The following CAPN5 variants were observed in gnomAD, a reference collection of about 807,000 sequenced individuals.
CAPN5 encodes the protein calpain 5.
A neutral mutation model predicts 73.0 loss-of-function variants in CAPN5; 54 were observed. The ratio of observed to expected loss-of-function variants is 0.74; its 90% confidence interval spans 0.59 to 0.93. CAPN5 has a LOEUF of 0.93. Ranked by LOEUF, CAPN5 falls within the 40% of genes least tolerant of loss-of-function variation. The probability of loss-of-function intolerance (pLI) is 0.00; values close to 1 mark genes in which losing one functional copy is unlikely to be tolerated. For missense variants in CAPN5, 785 were observed against 882.9 expected (o/e 0.89, Z 1.41); for synonymous variants, 335 against 356.9 (o/e 0.94, Z 0.69).
chr11:77,067,469 C>T (rs568592106), intron 1 of CAPN5, among the ~76,000 whole-genome samples: 95 of 152,226 alleles, frequency 6.2e-4, no homozygotes, highest in African/African-American at 2.1e-3. Context: ...CCTGCTTAAC[C>T]CCCCTTTCAT....
At chr11:77,081,420 A>G (rs937105722) in intron 1 of CAPN5, among the ~76,000 whole-genome samples, 4 of 152,108 alleles carry the variant, frequency 2.6e-5, no homozygotes, top group Admixed American at 6.5e-5. Context: ...CACTAGACCA[A>G]CTCCGACAGG....
chr11:77,072,820 G>C (rs1188777683), intron 1 of CAPN5, among the ~76,000 whole-genome samples: 1 of 152,214 alleles, frequency 6.6e-6, no homozygotes, highest in Non-Finnish European at 1.5e-5. Flanking sequence ...GTGGAGAAAA[G>C]GGCTGTCCTG....
At chr11:77,093,574 C>G in intron 2 of CAPN5, 108 bp from the exon 3 acceptor site, 3 of 1,424,576 alleles carry the variant, frequency 2.1e-6, no homozygotes, top group Non-Finnish European at 2.8e-6. Flanking sequence ...TGCTGATGAT[C>G]ACACAGCAAG....
At chr11:77,084,113 G>T (rs896931751) in intron 1 of CAPN5, among the ~76,000 whole-genome samples, 5 of 152,204 alleles carry the variant, frequency 3.3e-5, no homozygotes, top group Non-Finnish European at 7.3e-5. Flanking sequence ...TGCAGGCCCT[G>T]CCAGCCGCTG....
At chr11:77,101,393 C>T (rs948892495) in intron 3 of CAPN5, among the ~76,000 whole-genome samples, 1 of 152,162 alleles carries the variant, frequency 6.6e-6, no homozygotes, top group Non-Finnish European at 1.5e-5. Flanking sequence ...CAAGTTGTTC[C>T]CCTCTCCCCT....
At chr11:77,083,707 T>C (rs1950051340) in intron 1 of CAPN5, among the ~76,000 whole-genome samples, 1 of 152,158 alleles carries the variant, frequency 6.6e-6, no homozygotes, top group Non-Finnish European at 1.5e-5. Flanking sequence ...CAGCCTTCAG[T>C]TAATGGGTTG....
rs782497150 is a variant in CAPN5, at chr11:77,122,551, C to T, written c.1604-25C>T. ...CCACAGCCCCCACCCCCACCCTCAC[C>T]CCATCTCCCACTCCCTCTCCCTAGG... On this transcript the variant is annotated intron_variant, in intron 11 of 12. Coordinates refer to ENST00000648180, the MANE Select transcript of CAPN5 (RefSeq NM_004055.5). The T allele has an allele frequency of 5.2e-6, 8 of 1,527,532 alleles. No homozygotes were observed. In the Middle Eastern group the frequency reaches 6.8e-4, roughly 130 times the overall value. The allele number at this position is 1,527,532 out of a possible 1,614,324, so 94.6% of individuals were successfully genotyped here.
At chr11:77,070,479 A>G (rs1369755448) in intron 1 of CAPN5, among the ~76,000 whole-genome samples, 2 of 152,236 alleles carry the variant, frequency 1.3e-5, no homozygotes, top group African/African-American at 2.4e-5. Context: ...GCAGGAACTA[A>G]GAAACTGATG....
At chr11:77,110,216 T>C (rs1209026408) in intron 3 of CAPN5, among the ~76,000 whole-genome samples, 1 of 151,894 alleles carries the variant, frequency 6.6e-6, no homozygotes, top group African/African-American at 2.4e-5. Flanking sequence ...GCCTCCTGAA[T>C]GGCTAGGATT....
chr11:77,083,918 G>A (rs566439302), intron 1 of CAPN5, among the ~76,000 whole-genome samples: 6 of 152,296 alleles, frequency 3.9e-5, no homozygotes, highest in African/African-American at 1.4e-4. Context: ...GGGCTGGGCT[G>A]GAAATTGTGG....
intron 3 of CAPN5, among the ~76,000 whole-genome samples, chr11:77,108,122 G>T (rs1417844991): frequency 6.6e-6 from 1 of 152,180 alleles, no homozygotes; most frequent in South Asian, 2.1e-4. Context: ...GTCACCAGCC[G>T]GTCAAGGCTG....
At chr11:77,087,424 C>G (rs1364123459) in intron 2 of CAPN5, among the ~76,000 whole-genome samples, 1 of 152,208 alleles carries the variant, frequency 6.6e-6, no homozygotes, top group African/African-American at 2.4e-5. Flanking sequence ...AGTCGTGCTG[C>G]ATGCCCGTCC....
chr11:77,084,075 G>T (rs559095889), intron 1 of CAPN5, among the ~76,000 whole-genome samples: 1 of 152,200 alleles, frequency 6.6e-6, no homozygotes. Context: ...GTGCTTGGCC[G>T]TCCGAGCATC....
At chr11:77,110,234 C>T (rs7107129) in intron 3 of CAPN5, among the ~76,000 whole-genome samples, 12,699 of 151,954 alleles carry the variant, frequency 0.084, 703 homozygotes, top group East Asian at 0.28. Context: ...ATTACAGGCA[C>T]GCACCACCAC....
chr11:77,100,265 G>T (rs1555038601), intron 3 of CAPN5, among the ~76,000 whole-genome samples: 1 of 152,124 alleles, frequency 6.6e-6, no homozygotes, highest in East Asian at 1.9e-4. Flanking sequence ...GCTGAGCAGA[G>T]GTCTGTGGAC....
chr11:77,113,164 G>C (rs1235062441), intron 4 of CAPN5, among the ~76,000 whole-genome samples: 1 of 152,220 alleles, frequency 6.6e-6, no homozygotes, highest in East Asian at 1.9e-4. Context: ...TGGTAACTGA[G>C]CTGGGGCCTG....
rs184202396 is a variant in CAPN5, at chr11:77,085,865, T to C, written c.165+814T>C. 1.8e-3 allele frequency among the ~76,000 whole-genome samples: 270 copies of C among 152,288 alleles called. 1 individual carries two copies. Among genetic ancestry groups the C allele is most frequent in the Non-Finnish European group, 2.6e-3 (179 of 68,014 alleles). On this transcript the variant is annotated intron_variant, in intron 2 of 12. Coordinates refer to ENST00000648180, the MANE Select transcript of CAPN5 (RefSeq NM_004055.5). ...GGTTACTCTCCCTGGCCTCCAGGGC[T>C]GTGCTAGTGACACTGAGGGTCGTCC...
chr11:77,119,562 G>A (rs1950503041), intron 9 of CAPN5: 1 of 191,372 alleles, frequency 5.2e-6, no homozygotes, highest in Non-Finnish European at 1.1e-5. Context: ...TGGGCACCAG[G>A]AGGAGGCATC....
intron 3 of CAPN5, among the ~76,000 whole-genome samples, chr11:77,111,515 A>G (rs1950410164): frequency 6.6e-6 from 1 of 152,200 alleles, no homozygotes; most frequent in Non-Finnish European, 1.5e-5. Flanking sequence ...GAGATAAGTC[A>G]TGGTAGTCAC....
Sources: gnomAD v4.1 joint callset for allele counts (sites outside exome capture counted in the v4.1 genomes callset) on GRCh38, gnomAD v4.1.1 for gene constraint, MANE v1.5 for transcripts, NCBI Gene and HGNC (gene_info 2026-07-23, HGNC 2026-07-21) for gene names.